Variants in WDR44 observed in about 807,000 individuals in gnomAD.
WDR44 encodes WD repeat domain 44, also known as WD repeat-containing protein 44.
WDR44 carries 9 observed loss-of-function variants against 65.7 expected under a neutral mutation model. The ratio of observed to expected loss-of-function variants is 0.14; its 90% CI spans 0.08 to 0.24. The LOEUF is 0.24. WDR44 is among the 10% of genes least tolerant of loss of function. The pLI, the probability that WDR44 is intolerant of heterozygous loss-of-function variation, is 1.00. For missense variants in WDR44, 425 were observed against 670.9 expected (o/e 0.63, Z 4.05); for synonymous variants, 220 against 235.2 (o/e 0.94, Z 0.59).
intron 1 of WDR44, among the ~76,000 whole-genome samples, chrX:118,363,762 A>G (rs898047126): frequency 1.8e-5 from 2 of 112,607 alleles, no homozygotes; most frequent in Non-Finnish European, 3.8e-5. Context: ...ATTTAACTGT[A>G]TATACTTTCT....
In WDR44 at chrX:118,405,808, T is replaced by C. The variant is rs764318730; in HGVS notation, c.1382-1067T>C. Among the ~76,000 whole-genome samples the C allele has an allele frequency of 4.4e-3, 491 of 111,847 alleles. 1 individual carries two copies. The highest frequency in any genetic ancestry group is 0.015 in the African/African-American group (461 of 30,833). On this transcript the variant is annotated intron_variant, in intron 9 of 19. Coordinates refer to ENST00000254029, the MANE Select transcript of WDR44 (RefSeq NM_019045.5). ...ATATAACAACTATTTATATAACATT[T>C]ACACTGCAGTAGATATTATAAGTAA... is the stretch of plus-strand genomic sequence containing the variant.
intron 17 of WDR44, 36 bp from the exon 18 acceptor site, chrX:118,443,524 C>T (rs779990392): frequency 2.5e-6 from 3 of 1,198,543 alleles, no homozygotes; most frequent in Non-Finnish European, 3.4e-6. Context: ...TACACACACA[C>T]ATTTTATTTG....
intron 3 of WDR44, 97 bp downstream of exon 3, chrX:118,387,511 G>A (rs2056782113): frequency 4.3e-6 from 2 of 461,536 alleles, no homozygotes; most frequent in Non-Finnish European, 6.6e-6. Context: ...ATAGCGCTCT[G>A]TACATGGCTG....
At chrX:118,406,630 T>C (rs1250465305) in intron 9 of WDR44, among the ~76,000 whole-genome samples, 1 of 111,332 alleles carries the variant, frequency 9.0e-6, no homozygotes, top group African/African-American at 3.3e-5. Flanking sequence ...ATTTGATAGA[T>C]GAGAAAACTA....
chrX:118,427,329 G>C (rs1382951199), intron 12 of WDR44, among the ~76,000 whole-genome samples: 3 of 105,224 alleles, frequency 2.9e-5, no homozygotes, highest in African/African-American at 1.0e-4. Context: ...GGAGTGCAGT[G>C]GCGCGATCTC....
Position 118,409,554 on chromosome X carries a change from T to A in WDR44, c.1599T>A (p.Asn533Lys). 8.3e-7 allele frequency: 1 copy of A among 1,209,800 alleles called. No homozygotes were observed. Among genetic ancestry groups the A allele is most frequent in the South Asian group, 1.8e-5 (1 of 56,743 alleles). ...TACTTGCCTCAGCTGGACAAGACAA[T>A]GTAGTGAGAATATGGGCTTTAAAAA... Reference protein sequence around the residue: ...GRLLASAGQDNVVRIWALKNA... With the variant: ...GRLLASAGQDKVVRIWALKNA... Residue 533 changes from asparagine (N) to lysine (K), a missense_variant, in exon 11 of 20, where the codon AAT becomes AAA. By Grantham distance (94) the Asn-to-Lys change is moderately conservative. Coordinates refer to ENST00000254029, the MANE Select transcript of WDR44 (RefSeq NM_019045.5).
chrX:118,418,914 G>A (rs1361088263), intron 12 of WDR44, among the ~76,000 whole-genome samples: 1 of 110,688 alleles, frequency 9.0e-6, no homozygotes, highest in Admixed American at 9.6e-5. Flanking sequence ...TGCGTACCTA[G>A]GAAGATTATG....
chrX:118,352,307 G>A (rs1161787115), intron 1 of WDR44, among the ~76,000 whole-genome samples: 5 of 69,933 alleles, frequency 7.1e-5, no homozygotes, highest in African/African-American at 2.3e-4. Flanking sequence ...GCACCACCAC[G>A]CCCAGCTAAT....
chrX:118,419,982 T>C (rs1264880345), intron 12 of WDR44, among the ~76,000 whole-genome samples: 6 of 111,542 alleles, frequency 5.4e-5, no homozygotes, highest in Admixed American at 4.8e-4. Flanking sequence ...CAATCAAAAA[T>C]ACTCCATTAC....
chrX:118,378,324 T>G, intron 1 of WDR44, 95 bp from the exon 2 acceptor site: 1 of 729,261 alleles, frequency 1.4e-6, no homozygotes, highest in Non-Finnish European at 2.0e-6. Context: ...TATATACACA[T>G]TTTTTAAATG....
chrX:118,409,588 G>T lies in WDR44; in HGVS notation c.1633G>T (p.Asp545Tyr). 8.3e-7 allele frequency: 1 copy of T among 1,205,059 alleles called. No individual in the cohort carries two copies. The highest frequency in any genetic ancestry group is 1.8e-5 in the South Asian group (1 of 55,845). ...VRIWALKNAF[D>Y]YFNNMRMKYN... ...AATATGGGCTTTAAAAAATGCTTTT[G>T]ACTATTTCAACAATATGCGAATGAA... The change falls in exon 11 of 20, where the codon GAC becomes TAC. Residue 545 changes from aspartate to tyrosine, a missense_variant. By Grantham distance (160) the Asp-to-Tyr change is radical. This residue lies in a region of WDR44 where 45 missense variants were observed against 50.0 expected (regional missense o/e 0.90). Transcript: ENST00000254029.
At chrX:118,406,793 C>T (rs1445418304) in intron 9 of WDR44, 82 bp from the exon 10 acceptor site, 20 of 973,969 alleles carry the variant, frequency 2.1e-5, no homozygotes, top group Non-Finnish European at 2.6e-5. Context: ...AATGAATTTT[C>T]TTGGTATGCA....
At chrX:118,374,272 A>G (rs2056638693) in intron 1 of WDR44, among the ~76,000 whole-genome samples, 1 of 111,716 alleles carries the variant, frequency 9.0e-6, no homozygotes, top group South Asian at 3.7e-4. Flanking sequence ...TTAGGGTGAA[A>G]TGAATTGGTT....
chrX:118,389,795 G>A (rs1297742743), intron 3 of WDR44, among the ~76,000 whole-genome samples: 10 of 109,667 alleles, frequency 9.1e-5, no homozygotes, highest in Non-Finnish European at 1.9e-4. Context: ...ATGGAGGTGG[G>A]GAATGTGCAG....
At chrX:118,371,208 C>A (rs982365024) in intron 1 of WDR44, among the ~76,000 whole-genome samples, 1 of 111,756 alleles carries the variant, frequency 8.9e-6, no homozygotes, top group African/African-American at 3.3e-5. Context: ...CATAGGAAGA[C>A]TACTACTGTA....
chrX:118,407,604 G>A, intron 10 of WDR44, among the ~76,000 whole-genome samples: 1 of 112,184 alleles, frequency 8.9e-6, no homozygotes, highest in Non-Finnish European at 1.9e-5. Context: ...AAAGCAGTTA[G>A]ATTAGAGGGT....
At chrX:118,387,480 C>T (rs1408268449) in intron 3 of WDR44, 66 bp downstream of exon 3, 1 of 834,175 alleles carries the variant, frequency 1.2e-6, no homozygotes, top group Non-Finnish European at 1.7e-6. Flanking sequence ...ATATTTCAAA[C>T]AGCTTTTATA....
intron 10 of WDR44, among the ~76,000 whole-genome samples, chrX:118,407,353 T>C (rs778883166): frequency 9.0e-6 from 1 of 110,595 alleles, no homozygotes; most frequent in African/African-American, 3.3e-5. Context: ...ATATAAAAAT[T>C]AGCCAAGCAT....
At chrX:118,390,433 G>A (rs995409722) in intron 3 of WDR44, among the ~76,000 whole-genome samples, 1 of 111,496 alleles carries the variant, frequency 9.0e-6, no homozygotes, top group Non-Finnish European at 1.9e-5. Context: ...CTGGTGTAGA[G>A]AAAATAAATA....
Sources: gnomAD v4.1 joint callset for allele counts (sites outside exome capture counted in the v4.1 genomes callset) on GRCh38, gnomAD v4.1.1 for gene constraint, gnomAD v4.1.1 regional missense constraint, MANE v1.5 for transcripts, NCBI Gene and HGNC (gene_info 2026-07-23, HGNC 2026-07-21) for gene names.